The following FASTKD1 variants were observed in gnomAD, a reference collection of about 807,000 sequenced individuals.
FASTKD1 encodes FAST kinase domains 1.
Under a neutral mutation model 90.9 loss-of-function variants are expected in FASTKD1, and 94 were observed. The observed-to-expected ratio is 1.03, with a 90% CI of 0.88 to 1.23. The LOEUF is 1.23. Ranked by LOEUF, FASTKD1 falls within the 50% of genes most tolerant of loss-of-function variation. The probability of loss-of-function intolerance (pLI) is 0.00; values close to 1 mark genes in which losing one functional copy is unlikely to be tolerated. For synonymous variants in FASTKD1, 319 were observed against 345.8 expected, an observed-to-expected ratio of 0.92 and a Z score of 0.86; for missense variants, 945 against 993.5, an observed-to-expected ratio of 0.95 and a Z score of 0.66.
chr2:169,570,252 T>C (rs1428154877), intron 2 of FASTKD1, among the ~76,000 whole-genome samples: 1 of 152,252 alleles, frequency 6.6e-6, no homozygotes, highest in Non-Finnish European at 1.5e-5. Context: ...GTACAACTGC[T>C]GAAGCCTTCA....
At chr2:169,548,021 AAAAAG>A (rs1248096919) in intron 7 of FASTKD1, among the ~76,000 whole-genome samples, 49 of 150,950 alleles carry the variant, frequency 3.2e-4, no homozygotes, top group African/African-American at 1.0e-3. Flanking sequence ...AAACAAAAAC[AAAAAG>A]AAAAGAAAAG....
At chr2:169,538,675 CAAAAAAAAA>C (rs35866271) in intron 10 of FASTKD1, among the ~76,000 whole-genome samples, 1 of 90,948 alleles carries the variant, frequency 1.1e-5, no homozygotes, top group Non-Finnish European at 2.1e-5. Flanking sequence ...AACTCCGTCT[CAAAAAAAAA>C]AAAAAAAAAA....
At chr2:169,557,124 T>C (rs1574398608) in intron 6 of FASTKD1, 63 bp downstream of exon 6, 4 of 1,058,696 alleles carry the variant, frequency 3.8e-6, no homozygotes, top group African/African-American at 1.6e-5. Context: ...CATTTTTCCT[T>C]AGAAAAAAAT....
intron 2 of FASTKD1, among the ~76,000 whole-genome samples, chr2:169,569,632 C>G (rs534441795): frequency 1.3e-5 from 2 of 152,300 alleles, no homozygotes; most frequent in South Asian, 4.1e-4. Context: ...GGGCGGATCA[C>G]TTAAGGTCAG....
In FASTKD1 at chr2:169,529,845, C is replaced by T; in HGVS notation, c.2524G>A (p.Glu842Lys). The change falls in exon 15 of 15, where the codon GAA becomes AAA. Residue 842 changes from glutamate (E) to lysine (K), a missense_variant. Coordinates refer to ENST00000453153, the MANE Select transcript of FASTKD1 (RefSeq NM_024622.6). ...AAAAACTACAAACATGACTTGACTT[C>T]TCCAAATATACATTCTCTCAGGTAG... Reference protein sequence around the residue: ...MDYLRECIFGEVKSCL With the variant: ...MDYLRECIFGKVKSCL 3 of 1,611,840 alleles carry T rather than the reference C, an allele frequency of 1.9e-6. No homozygotes were observed. Among genetic ancestry groups the T allele is most frequent in the Non-Finnish European group, 2.5e-6 (3 of 1,178,648 alleles).
intron 7 of FASTKD1, among the ~76,000 whole-genome samples, chr2:169,554,663 CA>C (rs879459046): frequency 3.1e-4 from 42 of 137,096 alleles, no homozygotes; most frequent in Non-Finnish European, 2.5e-4. Flanking sequence ...GACTCCATCT[CA>C]AAAAAAAAAA....
intron 4 of FASTKD1, among the ~76,000 whole-genome samples, chr2:169,561,952 T>TAATTTATTGTAAATTAATTATTC (rs1683680236): frequency 7.4e-5 from 9 of 121,202 alleles, no homozygotes; most frequent in South Asian, 4.8e-4. Context: ...ATAAATTAAT[T>TAATTTATTGTAAATTAATTATTC]ATTAATTTAT....
chr2:169,546,165 G>T, intron 8 of FASTKD1, 53 bp downstream of exon 8: 2 of 1,482,460 alleles, frequency 1.3e-6, no homozygotes, highest in South Asian at 2.9e-5. Flanking sequence ...TAAAAATTAT[G>T]CTTGCAGAAG....
At position 169,563,310 on chromosome 2, in the gene FASTKD1, C is replaced by T. The variant is rs775780491; in HGVS notation, c.487G>A (p.Ala163Thr). The change falls in exon 4 of 15, where the codon GCA (alanine) becomes ACA (threonine). Residue 163 changes from alanine to threonine, a missense_variant. Coordinates refer to ENST00000453153, the MANE Select transcript of FASTKD1 (RefSeq NM_024622.6). ...GGACTAAAATACAAATGCTGATCTGCTAGGCAAGAGGAAAATTCTGAGAGC... is the reference window on the plus strand; with the variant it reads ...GGACTAAAATACAAATGCTGATCTGTTAGGCAAGAGGAAAATTCTGAGAGC... ...KLLSEFSSCL[A>T]DQHLYFSPLM... 4.3e-6 allele frequency: 7 copies of T among 1,611,022 alleles called. No individual in the cohort carries two copies. Among genetic ancestry groups the T allele is most frequent in the Non-Finnish European group, 5.9e-6 (7 of 1,177,868 alleles).
At chr2:169,565,515 T>C (rs1378661738) in intron 3 of FASTKD1, among the ~76,000 whole-genome samples, 1 of 148,222 alleles carries the variant, frequency 6.7e-6, no homozygotes, top group Admixed American at 6.8e-5. Flanking sequence ...GCCCGCCTTG[T>C]CCTCCCAAAG....
chr2:169,559,837 T>G (rs980566012), intron 5 of FASTKD1, among the ~76,000 whole-genome samples: 2 of 152,244 alleles, frequency 1.3e-5, no homozygotes, highest in Non-Finnish European at 2.9e-5. Flanking sequence ...GTATGTTAAT[T>G]TAATATTTGC....
rs143659499 is a variant in FASTKD1, at chr2:169,571,840, A to C, written c.190T>G (p.Ser64Ala). 239 of 1,613,978 alleles carry C rather than the reference A, an allele frequency of 1.5e-4. No individual in the cohort carries two copies. The highest frequency in any genetic ancestry group is 2.0e-4 in the Non-Finnish European group (231 of 1,180,014). Residue 64 changes from serine to alanine, a missense_variant, in exon 2 of 15, where the codon TCA (serine) becomes GCA (alanine). Ser to Ala is a moderately conservative substitution (Grantham distance 99, BLOSUM62 1). Coordinates refer to ENST00000453153, the MANE Select transcript of FASTKD1 (RefSeq NM_024622.6). ...GFIERNKAILSEKQVGCAFDM... is the reference protein window; with the variant it reads ...GFIERNKAILAEKQVGCAFDM... Reference sequence around the variant, plus strand: ...AATGCACATCCCACTTGCTTTTCTGAAAGTATGGCTTTGTTTCTTTCAATA... The same window carrying C: ...AATGCACATCCCACTTGCTTTTCTGCAAGTATGGCTTTGTTTCTTTCAATA...
At chr2:169,562,066 T>G (rs1683707881) in intron 4 of FASTKD1, among the ~76,000 whole-genome samples, 1 of 131,904 alleles carries the variant, frequency 7.6e-6, no homozygotes, top group African/African-American at 2.8e-5. Context: ...TATTAATTTA[T>G]TGTAAAATAA....
At chr2:169,571,442 T>C (rs1029155489) in intron 2 of FASTKD1, among the ~76,000 whole-genome samples, 14 of 149,764 alleles carry the variant, frequency 9.3e-5, no homozygotes, top group Admixed American at 4.0e-4. Context: ...CAGGCGCCTG[T>C]AGTCCCATTG....
At chr2:169,557,352 T>C in intron 5 of FASTKD1, 55 bp from the exon 6 acceptor site, 1 of 951,850 alleles carries the variant, frequency 1.1e-6, no homozygotes, top group East Asian at 2.7e-5. Flanking sequence ...TAGCTTGCAA[T>C]TTTTTTTAAA....
At chr2:169,550,951 C>T (rs1685463797) in intron 7 of FASTKD1, among the ~76,000 whole-genome samples, 1 of 152,120 alleles carries the variant, frequency 6.6e-6, no homozygotes, top group African/African-American at 2.4e-5. Flanking sequence ...TACAAATAAA[C>T]CCCCAACAGA....
At chr2:169,537,136 A>G in intron 12 of FASTKD1, 91 bp downstream of exon 12, 2 of 849,062 alleles carry the variant, frequency 2.4e-6, no homozygotes, top group South Asian at 1.6e-5. Flanking sequence ...AAAAAATTCA[A>G]AAAACTTTAA....
At chr2:169,554,558 G>A (rs1685658541) in intron 7 of FASTKD1, among the ~76,000 whole-genome samples, 1 of 125,068 alleles carries the variant, frequency 8.0e-6, no homozygotes, top group Admixed American at 7.6e-5. Flanking sequence ...CAGCTACTCG[G>A]GAGGCTGAGG....
rs1029047109 is a variant in FASTKD1 at position 169,529,676 on chromosome 2, C to A, written c.*149G>T. 3 of 606,438 alleles carry A rather than the reference C, an allele frequency of 4.9e-6. No individual in the cohort carries two copies. Among genetic ancestry groups the A allele is most frequent in the Non-Finnish European group, 8.9e-6 (3 of 338,654 alleles). 37.6% of individuals were successfully genotyped at this position (606,438 alleles called of 1,614,324 possible). A position where few individuals can be genotyped will look rare whatever the true frequency, so the allele number is the denominator to read the frequency against. On this transcript the variant is annotated 3_prime_UTR_variant, in exon 15 of 15. Coordinates refer to ENST00000453153, the MANE Select transcript of FASTKD1 (RefSeq NM_024622.6). Reference sequence around the variant, plus strand: ...CCCACCCCACTCCCCACTTGTTCTGCTCCAGCCACACTGGATCCTTTGTTA... The same window carrying A: ...CCCACCCCACTCCCCACTTGTTCTGATCCAGCCACACTGGATCCTTTGTTA...
Sources: allele counts gnomAD v4.1 joint callset (sites outside exome capture counted in the v4.1 genomes callset), GRCh38; gene constraint gnomAD v4.1.1; transcripts MANE v1.5; gene names NCBI Gene and HGNC (gene_info 2026-07-23, HGNC 2026-07-21).